The following PTH1R variants were observed in gnomAD, a reference collection of about 807,000 sequenced individuals.
The protein encoded by PTH1R is parathyroid hormone 1 receptor.
In PTH1R, 32 loss-of-function variants were observed where a neutral mutation model predicts 70.7. The ratio of observed to expected loss-of-function variants is 0.45; its 90% CI spans 0.34 to 0.61. The LOEUF (loss-of-function observed/expected upper bound fraction) is 0.61. Ranked by LOEUF, PTH1R falls within the 20% of genes least tolerant of loss-of-function variation. The pLI is 0.01. For missense variants in PTH1R, 626 were observed against 792.5 expected (o/e 0.79, Z 2.52); for synonymous variants, 329 against 324.8 (o/e 1.01, Z -0.14).
intron 3 of PTH1R, among the ~76,000 whole-genome samples, chr3:46,885,005 G>A (rs1004738938): frequency 6.6e-6 from 1 of 152,140 alleles, no homozygotes; most frequent in African/African-American, 2.4e-5. Flanking sequence ...GAGGTTCAGA[G>A]GAGCTCAACA....
chr3:46,901,723 C>A lies in PTH1R; in HGVS notation c.1117-43C>A. On this transcript the variant is annotated intron_variant, in intron 12 of 15. Transcript: ENST00000449590. This position sits in a 1 kb window ranked among gnomAD's most constrained non-coding sequence, Gnocchi z 7.3. ...GTGGCTGCCAGGCCTTGCCCCGCCC[C>A]ACTAGGGTGCAGCCTCCAGACGCAG... 1 of 1,584,394 alleles carries A rather than the reference C, an allele frequency of 6.3e-7. No individual in the cohort carries two copies. The highest frequency in any genetic ancestry group is 8.7e-7 in the Non-Finnish European group (1 of 1,153,204).
chr3:46,898,607 C>A, intron 8 of PTH1R, 55 bp from the exon 9 acceptor site: 1 of 1,606,122 alleles, frequency 6.2e-7, no homozygotes. Flanking sequence ...AGCTTCCTGT[C>A]CACCCACCGC....
In PTH1R at chr3:46,891,883, G is replaced by T. The variant is rs1425215542; in HGVS notation, c.76-2024G>T. On this transcript the variant is annotated intron_variant, in intron 3 of 15. Transcript: ENST00000449590. The surrounding 1 kb of genome is among the most constrained non-coding windows in gnomAD (Gnocchi z 4.3). ...TGTTGGTGTTAGTGACAGTAATGAT[G>T]GTTATTGATGGAGGTACTAGCAGCA... Among the ~76,000 whole-genome samples, 2 of 152,076 alleles carry T rather than the reference G, an allele frequency of 1.3e-5. No homozygotes were observed. The highest frequency in any genetic ancestry group is 3.9e-4 in the East Asian group (2 of 5,192).
In PTH1R at chr3:46,897,906, C is replaced by T. The variant is rs931964316; in HGVS notation, c.365C>T (p.Ala122Val). The change falls in exon 6 of 16, where the codon GCA becomes GTA. Residue 122 changes from alanine (A) to valine (V), a missense_variant. Coordinates refer to ENST00000449590, the MANE Select transcript of PTH1R (RefSeq NM_000316.3). ...WDHILCWPLG[A>V]PGEVVAVPCP... ...CACATCCTGTGCTGGCCGCTGGGGG[C>T]ACCAGGTGAGGTGGTGGCTGTGCCC... 6.2e-7 allele frequency: 1 copy of T among 1,613,884 alleles called. No homozygotes were observed. The highest frequency in any genetic ancestry group is 1.1e-5 in the South Asian group (1 of 91,074).
At chr3:46,881,858 G>A (rs1575505823) in intron 2 of PTH1R, among the ~76,000 whole-genome samples, 1 of 152,128 alleles carries the variant, frequency 6.6e-6, no homozygotes, top group African/African-American at 2.4e-5. Flanking sequence ...GCGCGCGGGG[G>A]TACCGGGCAG....
rs549234318 is a variant in PTH1R at position 46,890,607 on chromosome 3, A to G, written c.76-3300A>G. Among the ~76,000 whole-genome samples, 197 of 143,570 alleles carry G rather than the reference A, an allele frequency of 1.4e-3. 1 individual carries two copies. The highest frequency in any genetic ancestry group is 4.8e-3 in the African/African-American group (183 of 38,470). 94.2% of individuals were successfully genotyped at this position (143,570 alleles called of 152,430 possible). A position where few individuals can be genotyped will look rare whatever the true frequency, so the allele number is the denominator to read the frequency against. On this transcript the variant is annotated intron_variant, in intron 3 of 15. Transcript: ENST00000449590. ...GAACCTCCGCTCCCAGGTTTGAGCG[A>G]TTCTGCTGCCTCGGCCTCCCGAGTA...
chr3:46,892,764 C>G lies in PTH1R; in HGVS notation c.76-1143C>G, dbSNP rs980848960. On this transcript the variant is annotated intron_variant, in intron 3 of 15. Transcript: ENST00000449590. The surrounding 1 kb of genome is among the most constrained non-coding windows in gnomAD (Gnocchi z 5.2). ...GCAGGGCCCCGGCCCCGCCTTGGCG[C>G]GTCTGAAGGATGCAGCTCTGCCGCG... The G allele has an allele frequency of 2.0e-6, 2 of 985,732 alleles. No individual in the cohort carries two copies. The highest frequency in any genetic ancestry group is 2.4e-6 in the Non-Finnish European group (2 of 830,158). The allele number at this position is 985,732 out of a possible 1,614,324, so 61.1% of individuals were successfully genotyped here.
At chr3:46,890,496 C>CTTTT (rs71619664) in intron 3 of PTH1R, among the ~76,000 whole-genome samples, 59 of 72,338 alleles carry the variant, frequency 8.2e-4, no homozygotes, top group Middle Eastern at 9.4e-3. Flanking sequence ...TTCACAGCAG[C>CTTTT]TTTTTTTTTT....
chr3:46,892,624 G>C lies in PTH1R; in HGVS notation c.76-1283G>C, dbSNP rs2107003465. 2.0e-6 allele frequency: 1 copy of C among 507,204 alleles called. No homozygotes were observed. The highest frequency in any genetic ancestry group is 2.1e-5 in the African/African-American group (1 of 48,244). 31.4% of individuals were successfully genotyped at this position (507,204 alleles called of 1,614,324 possible). On this transcript the variant is annotated intron_variant, in intron 3 of 15. Coordinates refer to ENST00000449590, the MANE Select transcript of PTH1R (RefSeq NM_000316.3). This position sits in a 1 kb window ranked among gnomAD's most constrained non-coding sequence, Gnocchi z 5.2. ...TCAATTAACTTCTCCCTGCAGCCAG[G>C]CTCTCTGACCCGGCCTGCCCGCCCC...
Position 46,901,923 on chromosome 3 carries a change from A to G in PTH1R, c.1211+63A>G. The G allele has an allele frequency of 6.8e-7, 1 of 1,469,572 alleles. No individual in the cohort carries two copies. Among genetic ancestry groups the G allele is most frequent in the Non-Finnish European group, 9.5e-7 (1 of 1,052,126 alleles). 91.0% of individuals were successfully genotyped at this position (1,469,572 alleles called of 1,614,324 possible). A position where few individuals can be genotyped will look rare whatever the true frequency, so the allele number is the denominator to read the frequency against. On this transcript the variant is annotated intron_variant, in intron 13 of 15. Coordinates refer to ENST00000449590, the MANE Select transcript of PTH1R (RefSeq NM_000316.3). This position sits in a 1 kb window ranked among gnomAD's most constrained non-coding sequence, Gnocchi z 7.3. Reference sequence around the variant, plus strand: ...GGGTCCCTGAGTCCTGGTACCATGTACCCCAGGAAAGACAGTGGCCCCATG... The same window carrying G: ...GGGTCCCTGAGTCCTGGTACCATGTGCCCCAGGAAAGACAGTGGCCCCATG...
At chr3:46,900,365 T>TA (rs2032042189) in intron 10 of PTH1R, among the ~76,000 whole-genome samples, 1 of 152,100 alleles carries the variant, frequency 6.6e-6, no homozygotes, top group Non-Finnish European at 1.5e-5. Context: ...CTCTTTTTCT[T>TA]ACCGTAAAGC....
In PTH1R at chr3:46,898,059, C is replaced by T; in HGVS notation, c.425-15C>T. 1 of 1,613,974 alleles carries T rather than the reference C, an allele frequency of 6.2e-7. No homozygotes were observed. ...GAGACCTCCCTGCCGGCCCTGACCT[C>T]CCATGGACCTGCAGGCCATGCCTAC... is the stretch of plus-strand genomic sequence containing the variant. On this transcript the variant is annotated splice_polypyrimidine_tract_variant and intron_variant, in intron 6 of 15. Transcript: ENST00000449590.
rs764927778 is a variant in PTH1R, at chr3:46,898,372, G to T, written c.544-6G>T. 3.7e-6 allele frequency: 6 copies of T among 1,613,362 alleles called. No homozygotes were observed. In the African/African-American group the frequency reaches 8.0e-5, roughly 22 times the overall value. ...CTCTGACTGTGTCTCCCCCCGCCCC[G>T]CACAGGAGGTGTTTGACCGCCTGGG... On this transcript the variant is annotated splice_polypyrimidine_tract_variant and splice_region_variant and intron_variant, in intron 7 of 15. Coordinates refer to ENST00000449590, the MANE Select transcript of PTH1R (RefSeq NM_000316.3).
In PTH1R at chr3:46,882,402, G is replaced by C. The variant is rs1454562226; in HGVS notation, c.-48-1110G>C. ...GGGCCGCGGACGGGGCGCTGGCTTG[G>C]GGAGGCTGTCGGGGGGGCCCCGACA... On this transcript the variant is annotated intron_variant, in intron 2 of 15. Coordinates refer to ENST00000449590, the MANE Select transcript of PTH1R (RefSeq NM_000316.3). The surrounding 1 kb of genome is among the most constrained non-coding windows in gnomAD (Gnocchi z 4.3). 1 of 151,718 alleles carries C rather than the reference G, an allele frequency of 6.6e-6. No individual in the cohort carries two copies. The highest frequency in any genetic ancestry group is 1.5e-5 in the Non-Finnish European group (1 of 67,870). 9.4% of individuals were successfully genotyped at this position (151,718 alleles called of 1,614,324 possible). A position where few individuals can be genotyped will look rare whatever the true frequency, so the allele number is the denominator to read the frequency against.
At chr3:46,890,077 A>G (rs1000754682) in intron 3 of PTH1R, among the ~76,000 whole-genome samples, 2 of 152,164 alleles carry the variant, frequency 1.3e-5, no homozygotes, top group African/African-American at 4.8e-5. Flanking sequence ...TTTTCCTCCT[A>G]AGCTCAAGCT....
In PTH1R at chr3:46,902,703, G is replaced by A; in HGVS notation, c.1353+36G>A. On this transcript the variant is annotated intron_variant, in intron 14 of 15. Coordinates refer to ENST00000449590, the MANE Select transcript of PTH1R (RefSeq NM_000316.3). The surrounding 1 kb of genome is among the most constrained non-coding windows in gnomAD (Gnocchi z 5.4). The stretch of plus-strand genomic sequence containing the variant: ...CTGGCCCGGGCCTGGCTGAGGGTGG[G>A]AGGGGTTCCGGGGGCAGGCCTGATT... 1 of 1,614,072 alleles carries A rather than the reference G, an allele frequency of 6.2e-7. No individual in the cohort carries two copies. Among genetic ancestry groups the A allele is most frequent in the African/African-American group, 1.3e-5 (1 of 75,022 alleles).
chr3:46,902,035 C>G lies in PTH1R; in HGVS notation c.1211+175C>G, dbSNP rs1042248595. On this transcript the variant is annotated intron_variant, in intron 13 of 15. Coordinates refer to ENST00000449590, the MANE Select transcript of PTH1R (RefSeq NM_000316.3). This position sits in a 1 kb window ranked among gnomAD's most constrained non-coding sequence, Gnocchi z 5.4. ...GGCCTGCCCAGCAGTGATGGGAGGCCCTAGGGCACCCCAAAGCCAGCCTGC... is the reference window on the plus strand; with the variant it reads ...GGCCTGCCCAGCAGTGATGGGAGGCGCTAGGGCACCCCAAAGCCAGCCTGC... Among the ~76,000 whole-genome samples the G allele has an allele frequency of 6.6e-6, 1 of 152,196 alleles. No individual in the cohort carries two copies. Among genetic ancestry groups the G allele is most frequent in the African/African-American group, 2.4e-5 (1 of 41,454 alleles).
In PTH1R at chr3:46,892,743, G is replaced by A. The variant is rs2031503342; in HGVS notation, c.76-1164G>A. 2.0e-6 allele frequency: 2 copies of A among 985,760 alleles called. No individual in the cohort carries two copies. Among genetic ancestry groups the A allele is most frequent in the Non-Finnish European group, 2.4e-6 (2 of 830,122 alleles). 61.1% of individuals were successfully genotyped at this position (985,760 alleles called of 1,614,324 possible). ...CTTCACAGCCATGCTCGGACTGCAG[G>A]GCCCCGGCCCCGCCTTGGCGCGTCT... On this transcript the variant is annotated intron_variant, in intron 3 of 15. Coordinates refer to ENST00000449590, the MANE Select transcript of PTH1R (RefSeq NM_000316.3). This position sits in a 1 kb window ranked among gnomAD's most constrained non-coding sequence, Gnocchi z 5.2.
At chr3:46,878,479 G>C (rs1214189392) in intron 1 of PTH1R, among the ~76,000 whole-genome samples, 2 of 152,224 alleles carry the variant, frequency 1.3e-5, no homozygotes, top group African/African-American at 4.8e-5. Flanking sequence ...GATGGAGATA[G>C]AGCTCAGTCT....
Sources: allele counts gnomAD v4.1 joint callset (sites outside exome capture counted in the v4.1 genomes callset), GRCh38; gene constraint gnomAD v4.1.1; non-coding constraint Gnocchi (gnomAD v3.1); transcripts MANE v1.5; gene names NCBI Gene and HGNC (gene_info 2026-07-23, HGNC 2026-07-21).